The following PCDHGA10 variants were observed in gnomAD, a reference collection of about 807,000 sequenced individuals.
PCDHGA10 encodes protocadherin gamma subfamily A, 10.
Under a neutral mutation model 59.5 loss-of-function variants are expected in PCDHGA10, and 42 were observed. The observed-to-expected ratio is 0.71, with a 90% CI of 0.55 to 0.91. The LOEUF is 0.91. Ranked by LOEUF, PCDHGA10 falls within the 40% of genes least tolerant of loss-of-function variation. The probability of loss-of-function intolerance (pLI) is 0.00; values close to 1 mark genes in which losing one functional copy is unlikely to be tolerated. For missense variants in PCDHGA10, 1,111 were observed against 1,198.2 expected (o/e 0.93, Z 1.07); for synonymous variants, 511 against 517.2 (o/e 0.99, Z 0.16).
intron 1 of PCDHGA10, chr5:141,419,164 C>G: frequency 6.2e-7 from 1 of 1,613,966 alleles, no homozygotes; most frequent in Non-Finnish European, 8.5e-7. Context: ...TATCCTCCAG[C>G]AAAACCATAA....
At chr5:141,449,407 G>A (rs1367837385) in intron 1 of PCDHGA10, among the ~76,000 whole-genome samples, 2 of 151,754 alleles carry the variant, frequency 1.3e-5, no homozygotes, top group Non-Finnish European at 2.9e-5. Flanking sequence ...AGGAGTTCAA[G>A]ACCAGCCTGG....
rs746913952 is a variant in PCDHGA10, at chr5:141,432,898, G to A, written c.2436+17287G>A. The A allele has an allele frequency of 1.2e-6, 2 of 1,614,174 alleles. No homozygotes were observed. Among genetic ancestry groups the A allele is most frequent in the South Asian group, 1.1e-5 (1 of 91,090 alleles). On this transcript the variant is annotated intron_variant, in intron 1 of 3. Transcript: ENST00000398610. This position sits in a 1 kb window ranked among gnomAD's most constrained non-coding sequence, Gnocchi z 6.0. ...TGGCCTTCGTCATCTTGCTGCTGGC[G>A]CTCAGGCTGCGGCGCTGGCACAAGT...
At chr5:141,420,234 T>G (rs766733064) in intron 1 of PCDHGA10, 1 of 1,600,030 alleles carries the variant, frequency 6.2e-7, no homozygotes, top group Non-Finnish European at 8.5e-7. Flanking sequence ...GCTAGCATTT[T>G]AACTCCCAGC....
rs1259021130 is a variant in PCDHGA10 at position 141,485,083 on chromosome 5, G to C, written c.2437-9724G>C. ...GCGCCAGAGCTGGCGCGGGGAAAGG[G>C]AGATAGGTGTCTCCAGCTGCTGTGG... On this transcript the variant is annotated intron_variant, in intron 1 of 3. Coordinates refer to ENST00000398610, the MANE Select transcript of PCDHGA10 (RefSeq NM_018913.3). The surrounding 1 kb of genome is among the most constrained non-coding windows in gnomAD (Gnocchi z 5.7). The C allele has an allele frequency of 1.0e-6, 1 of 989,386 alleles. No homozygotes were observed. The highest frequency in any genetic ancestry group is 1.6e-5 in the African/African-American group (1 of 61,992). 61.3% of individuals were successfully genotyped at this position (989,386 alleles called of 1,614,324 possible).
At position 141,505,495 on chromosome 5, in the gene PCDHGA10, G is replaced by A. The variant is rs767547572; in HGVS notation, c.2584+14G>A. On this transcript the variant is annotated intron_variant, in intron 3 of 3. Transcript: ENST00000398610. ...CGTCCGCCAGTGGTAAGTGGTGTCA[G>A]TGTGTGTATGGAAGAGTGGGAGACC... The A allele has an allele frequency of 7.9e-5, 128 of 1,614,092 alleles. No homozygotes were observed. Among genetic ancestry groups the A allele is most frequent in the Non-Finnish European group, 1.0e-4 (123 of 1,180,008 alleles).
At chr5:141,419,863 G>C in intron 1 of PCDHGA10, 1 of 1,614,108 alleles carries the variant, frequency 6.2e-7, no homozygotes, top group Non-Finnish European at 8.5e-7. Flanking sequence ...CAGATAGCTT[G>C]CAAGAGGTAC....
At chr5:141,461,441 T>A (rs959248029) in intron 1 of PCDHGA10, among the ~76,000 whole-genome samples, 7 of 152,194 alleles carry the variant, frequency 4.6e-5, no homozygotes, top group Admixed American at 4.6e-4. Flanking sequence ...TACCTTCTTT[T>A]GAGAAATGGC....
chr5:141,418,821 C>G (rs750200042), intron 1 of PCDHGA10: 1 of 1,613,846 alleles, frequency 6.2e-7, no homozygotes, highest in Non-Finnish European at 8.5e-7. Flanking sequence ...AACATAGAAG[C>G]AAAAGACCGA....
At chr5:141,488,546 G>A (rs2099676755) in intron 1 of PCDHGA10, among the ~76,000 whole-genome samples, 1 of 152,188 alleles carries the variant, frequency 6.6e-6, no homozygotes, top group African/African-American at 2.4e-5. Context: ...TCCCATGTCA[G>A]CTGACATTGA....
intron 1 of PCDHGA10, among the ~76,000 whole-genome samples, chr5:141,494,496 T>A (rs147870810): frequency 2.9e-3 from 442 of 152,264 alleles, no homozygotes; most frequent in Non-Finnish European, 4.9e-3. Flanking sequence ...ATGCCTTCAG[T>A]CCTTGAATTT....
intron 1 of PCDHGA10, chr5:141,420,386 A>G (rs1407565643): frequency 6.2e-6 from 8 of 1,284,798 alleles, no homozygotes; most frequent in Non-Finnish European, 7.2e-6. Context: ...AGTTCGCAAA[A>G]TATAGGTCAA....
intron 1 of PCDHGA10, chr5:141,478,825 T>G: frequency 1.4e-6 from 2 of 1,441,878 alleles, no homozygotes; most frequent in East Asian, 5.0e-5. Context: ...TAACCAATCT[T>G]GCTAAGGGAT....
At chr5:141,438,579 CAT>C (rs2097974137) in intron 1 of PCDHGA10, among the ~76,000 whole-genome samples, 1 of 55,780 alleles carries the variant, frequency 1.8e-5, no homozygotes, top group Admixed American at 2.8e-4. Context: ...GATATACATA[CAT>C]ACATACATAC....
intron 1 of PCDHGA10, chr5:141,430,820 G>C (rs1194897001): frequency 6.5e-7 from 1 of 1,541,598 alleles, no homozygotes; most frequent in East Asian, 2.3e-5. Context: ...AATCCTCCTG[G>C]GGACTCTGTG....
rs57426385 is a variant in PCDHGA10 at position 141,415,740 on chromosome 5, G to GTTTTT, written c.2436+157_2436+161dup. 865 of 624,308 alleles carry GTTTTT rather than the reference G, an allele frequency of 1.4e-3. 3 individuals carry two copies. Among genetic ancestry groups the GTTTTT allele is most frequent in the South Asian group, 2.2e-3 (75 of 34,868 alleles). The allele number at this position is 624,308 out of a possible 1,614,324, so 38.7% of individuals were successfully genotyped here. A position where few individuals can be genotyped will look rare whatever the true frequency, so the allele number is the denominator to read the frequency against. ...TGAGTAGAATTTGATGTTTATTAAG[G>GTTTTT]TTTTTTTTTTTTTTTTTTTTTTTTT... is the stretch of plus-strand genomic sequence containing the variant. On this transcript the variant is annotated intron_variant, in intron 1 of 3. Transcript: ENST00000398610.
intron 3 of PCDHGA10, among the ~76,000 whole-genome samples, chr5:141,506,485 A>C (rs2154593953): frequency 6.6e-6 from 1 of 150,572 alleles, no homozygotes; most frequent in East Asian, 2.0e-4. Flanking sequence ...CTTTAGAGGC[A>C]GGCCAATCTG....
At chr5:141,449,266 G>T (rs1398403120) in intron 1 of PCDHGA10, among the ~76,000 whole-genome samples, 1 of 152,042 alleles carries the variant, frequency 6.6e-6, no homozygotes, top group Non-Finnish European at 1.5e-5. Context: ...ACAAAGAACT[G>T]TATCTCCTTC....
intron 1 of PCDHGA10, chr5:141,422,140 C>CG (rs1369033587): frequency 6.3e-7 from 1 of 1,586,656 alleles, no homozygotes; most frequent in Non-Finnish European, 8.5e-7. Context: ...AGTTCAAGTA[C>CG]GGGGGTCTCT....
chr5:141,417,285 A>C (rs913143514), intron 1 of PCDHGA10: 2 of 152,254 alleles, frequency 1.3e-5, no homozygotes, highest in African/African-American at 4.8e-5. Flanking sequence ...AAGGAACAAG[A>C]ATGACTGCCT....
Sources: gnomAD v4.1 joint callset for allele counts (sites outside exome capture counted in the v4.1 genomes callset) on GRCh38, gnomAD v4.1.1 for gene constraint, Gnocchi (gnomAD v3.1) non-coding constraint, MANE v1.5 for transcripts, NCBI Gene and HGNC (gene_info 2026-07-23, HGNC 2026-07-21) for gene names.